Variants in TMEM117 observed in about 807,000 individuals in gnomAD.
TMEM117 encodes transmembrane protein 117.
TMEM117 carries 27 observed loss-of-function variants against 52.4 expected under a neutral mutation model. That is an observed-to-expected ratio of 0.51 (90% CI 0.38 to 0.71). The LOEUF is 0.71. Ranked by LOEUF, TMEM117 falls within the 30% of genes least tolerant of loss-of-function variation. The pLI, the probability that TMEM117 is intolerant of heterozygous loss-of-function variation, is 0.00. For synonymous variants in TMEM117, 215 were observed against 206.3 expected (o/e 1.04, Z -0.36); for missense variants, 556 against 630.5 (o/e 0.88, Z 1.26).
chr12:43,956,938 T>C (rs1945318033), intron 3 of TMEM117, among the ~76,000 whole-genome samples: 1 of 151,952 alleles, frequency 6.6e-6, no homozygotes, highest in Admixed American at 6.6e-5. Context: ...ATAAAGAAAA[T>C]GTGGTACATA....
chr12:44,136,427 C>G (rs1297551891), intron 3 of TMEM117, among the ~76,000 whole-genome samples: 1 of 152,088 alleles, frequency 6.6e-6, no homozygotes, highest in Non-Finnish European at 1.5e-5. Flanking sequence ...TATAACCACA[C>G]AAAATCTGGG....
At chr12:44,005,093 C>A (rs1946173251) in intron 3 of TMEM117, among the ~76,000 whole-genome samples, 1 of 152,178 alleles carries the variant, frequency 6.6e-6, no homozygotes, top group Admixed American at 6.5e-5. Flanking sequence ...CAGGCATGCT[C>A]ACATGTGTGC....
At position 44,090,839 on chromosome 12, in the gene TMEM117, G is replaced by GTTTTTTTTTT. The variant is rs1264179472; in HGVS notation, c.411-52677_411-52676insTTTTTTTTTT. 2.9e-3 allele frequency among the ~76,000 whole-genome samples: 308 copies of GTTTTTTTTTT among 104,718 alleles called. 28 individuals are homozygous for GTTTTTTTTTT. The highest frequency in any genetic ancestry group is 8.4e-3 in the African/African-American group (186 of 22,114). The allele number at this position is 104,718 out of a possible 152,430, so 68.7% of individuals were successfully genotyped here. A position where few individuals can be genotyped will look rare whatever the true frequency, so the allele number is the denominator to read the frequency against. ...CTAATTCTTAATCCTGTATTTATGT[G>GTTTTTTTTTT]TTTTTTTTTGTTTTTTTTTTTTTTT... On this transcript the variant is annotated intron_variant, in intron 3 of 7. Coordinates refer to ENST00000266534, the MANE Select transcript of TMEM117 (RefSeq NM_032256.3).
At chr12:44,212,705 A>G (rs1004869457) in intron 5 of TMEM117, among the ~76,000 whole-genome samples, 1 of 152,194 alleles carries the variant, frequency 6.6e-6, no homozygotes, top group African/African-American at 2.4e-5. Flanking sequence ...GTAATTGATT[A>G]TAGCTGGCTC....
At chr12:43,885,473 T>TTA (rs1555180866) in intron 2 of TMEM117, among the ~76,000 whole-genome samples, 1,981 of 150,026 alleles carry the variant, frequency 0.013, 29 homozygotes, top group African/African-American at 0.046. Context: ...GAACTTTTTT[T>TTA]AAAAAAACAA....
chr12:44,205,559 A>T (rs1949553846), intron 4 of TMEM117, among the ~76,000 whole-genome samples: 2 of 152,202 alleles, frequency 1.3e-5, no homozygotes, highest in Non-Finnish European at 2.9e-5. Flanking sequence ...TAAATCAACA[A>T]GCAAGAAAAC....
intron 3 of TMEM117, among the ~76,000 whole-genome samples, chr12:44,131,434 T>C (rs1319062036): frequency 6.6e-6 from 1 of 152,150 alleles, no homozygotes; most frequent in Non-Finnish European, 1.5e-5. Context: ...GTGTTCTCTG[T>C]TGCATTAAAA....
At chr12:44,035,362 TA>T (rs1388882434) in intron 3 of TMEM117, among the ~76,000 whole-genome samples, 1 of 152,268 alleles carries the variant, frequency 6.6e-6, no homozygotes, top group Non-Finnish European at 1.5e-5. Context: ...TTCATTCATT[TA>T]TTTAATATTT....
At chr12:44,235,197 T>A (rs1949980607) in intron 5 of TMEM117, among the ~76,000 whole-genome samples, 1 of 151,616 alleles carries the variant, frequency 6.6e-6, no homozygotes. Flanking sequence ...TCTCTAGATA[T>A]ATTTTTTTGA....
chr12:44,330,021 G>A (rs1287794107), intron 6 of TMEM117, among the ~76,000 whole-genome samples: 1 of 151,900 alleles, frequency 6.6e-6, no homozygotes, highest in Admixed American at 6.6e-5. Context: ...GGTTTTTTTG[G>A]AAATATACTC....
intron 5 of TMEM117, among the ~76,000 whole-genome samples, chr12:44,262,671 C>T (rs1418302793): frequency 6.6e-6 from 1 of 152,206 alleles, no homozygotes; most frequent in East Asian, 1.9e-4. Context: ...GAATCTCGCT[C>T]TGCATCCTGG....
intron 3 of TMEM117, among the ~76,000 whole-genome samples, chr12:44,126,975 A>G (rs1267693128): frequency 6.6e-6 from 1 of 152,240 alleles, no homozygotes; most frequent in Non-Finnish European, 1.5e-5. Flanking sequence ...GTATGAACTC[A>G]TGGAAACTGA....
intron 4 of TMEM117, among the ~76,000 whole-genome samples, chr12:44,187,705 A>C (rs1949296598): frequency 6.6e-6 from 1 of 152,168 alleles, no homozygotes; most frequent in Non-Finnish European, 1.5e-5. Flanking sequence ...CTAATGTTTC[A>C]GTCATCTCCT....
chr12:44,009,144 T>C, intron 3 of TMEM117: 4 of 309,144 alleles, frequency 1.3e-5, no homozygotes, highest in South Asian at 1.2e-4. Context: ...CTTTACTTCC[T>C]TGGAAAAGCT....
chr12:44,334,831 G>GA (rs879710102), intron 6 of TMEM117, among the ~76,000 whole-genome samples: 3 of 151,482 alleles, frequency 2.0e-5, no homozygotes, highest in African/African-American at 7.3e-5. Context: ...CATGATCTAA[G>GA]AAAAAAAATT....
At chr12:43,907,374 G>C (rs1159420667) in intron 2 of TMEM117, among the ~76,000 whole-genome samples, 2 of 151,152 alleles carry the variant, frequency 1.3e-5, no homozygotes, top group African/African-American at 4.9e-5. Context: ...ACCAAAAGTA[G>C]ATAAAACCAC....
At chr12:43,894,476 G>T (rs1363785402) in intron 2 of TMEM117, among the ~76,000 whole-genome samples, 3 of 151,602 alleles carry the variant, frequency 2.0e-5, no homozygotes, top group Middle Eastern at 3.4e-3. Flanking sequence ...CATGGGGGTT[G>T]GTTGTACAGA....
At chr12:43,828,195 A>G in the TMEM117 span, among the ~76,000 whole-genome samples, 1 of 152,244 alleles carries the variant, frequency 6.6e-6, no homozygotes, top group African/African-American at 2.4e-5. Flanking sequence ...TAACTTGAGA[A>G]AAAGAGGATA....
chr12:44,018,723 T>TTC (rs1946409578), intron 3 of TMEM117, among the ~76,000 whole-genome samples: 1 of 150,568 alleles, frequency 6.6e-6, no homozygotes, highest in East Asian at 1.9e-4. Flanking sequence ...TTCTTTTTCT[T>TTC]TCTTTTTTTT....
Sources: allele counts gnomAD v4.1 joint callset (sites outside exome capture counted in the v4.1 genomes callset), GRCh38; gene constraint gnomAD v4.1.1; transcripts MANE v1.5; gene names NCBI Gene and HGNC (gene_info 2026-07-23, HGNC 2026-07-21).